NFIA: variants seen among roughly 807,000 people sequenced by gnomAD.
NFIA encodes the protein nuclear factor I A, also known as nuclear factor 1 A-type.
A neutral mutation model predicts 62.8 loss-of-function variants in NFIA; 8 were observed. The observed-to-expected ratio is 0.13, with a 90% CI of 0.07 to 0.23. The LOEUF is 0.23. Among genes scored for constraint, NFIA ranks in the 10% least tolerant of loss-of-function variants. NFIA has a pLI of 1.00. For missense variants in NFIA, 410 were observed against 642.1 expected (o/e 0.64, Z 3.91); for synonymous variants, 235 against 238.1 (o/e 0.99, Z 0.12).
rs555569566 is a variant in NFIA, at chr1:61,175,739, A to G, written c.559+87059A>G. 8.5e-5 allele frequency among the ~76,000 whole-genome samples: 13 copies of G among 152,322 alleles called. No individual in the cohort carries two copies. The South Asian group carries it at 2.7e-3, about 32-fold the overall frequency. ...GTCAGTTATTTCACAGGTAAGCTACATCTTCATGTGGTTGCCTTCTGCAAG... is the reference window on the plus strand; with the variant it reads ...GTCAGTTATTTCACAGGTAAGCTACGTCTTCATGTGGTTGCCTTCTGCAAG... On this transcript the variant is annotated intron_variant, in intron 2 of 10. Coordinates refer to ENST00000403491, the MANE Select transcript of NFIA (RefSeq NM_001134673.4).
chr1:61,132,556 GT>G (rs1647099828), intron 2 of NFIA: 1 of 152,164 alleles, frequency 6.6e-6, no homozygotes, highest in East Asian at 1.9e-4. Flanking sequence ...CAAAGATAGT[GT>G]CTTTTGGCAT....
intron 2 of NFIA, among the ~76,000 whole-genome samples, chr1:61,238,947 G>A (rs1038342442): frequency 4.0e-5 from 6 of 151,794 alleles, no homozygotes; most frequent in Admixed American, 3.9e-4. Context: ...TAGTTGTTGG[G>A]GGAATTTCTT....
At chr1:61,453,327 AAG>A (rs1204382828) in intron 10 of NFIA, among the ~76,000 whole-genome samples, 3 of 152,102 alleles carry the variant, frequency 2.0e-5, no homozygotes, top group African/African-American at 4.8e-5. Flanking sequence ...GGGACTTGAA[AAG>A]AGAACAATAG....
intron 6 of NFIA, among the ~76,000 whole-genome samples, chr1:61,380,478 T>G (rs529488744): frequency 6.6e-6 from 1 of 152,302 alleles, no homozygotes; most frequent in East Asian, 1.9e-4. Context: ...GAGTTTATTT[T>G]TAAAGTAATG....
At chr1:61,453,019 A>G in intron 10 of NFIA, among the ~76,000 whole-genome samples, 1 of 152,222 alleles carries the variant, frequency 6.6e-6, no homozygotes, top group Admixed American at 6.5e-5. Flanking sequence ...AAAAGTGTGC[A>G]GAGTGAAACA....
intron 2 of NFIA, among the ~76,000 whole-genome samples, chr1:61,270,244 C>T (rs758636028): frequency 2.0e-5 from 3 of 152,104 alleles, no homozygotes; most frequent in Non-Finnish European, 4.4e-5. Flanking sequence ...TTATTTGAAC[C>T]ACACAACATC....
chr1:61,102,250 A>G (rs183596948), intron 2 of NFIA, among the ~76,000 whole-genome samples: 10 of 152,348 alleles, frequency 6.6e-5, no homozygotes, highest in African/African-American at 2.4e-4. Context: ...TCTAACAGTC[A>G]GTAAGAGACA....
intron 6 of NFIA, among the ~76,000 whole-genome samples, chr1:61,367,317 G>A (rs971516606): frequency 2.0e-5 from 3 of 152,202 alleles, no homozygotes; most frequent in East Asian, 3.8e-4. Context: ...GGTAACAATA[G>A]TGCTTTGATC....
chr1:61,149,442 T>A (rs1471050120), intron 2 of NFIA, among the ~76,000 whole-genome samples: 1 of 152,216 alleles, frequency 6.6e-6, no homozygotes, highest in African/African-American at 2.4e-5. Context: ...CTTGTTTGAT[T>A]GCTTTAGTGA....
At chr1:61,081,672 C>G, upstream of NFIA, 1 of 516,582 alleles carries the variant, frequency 1.9e-6, no homozygotes, top group Non-Finnish European at 3.5e-6. Context: ...GGATAACGCT[C>G]ATTAATCTCC....
At chr1:61,084,862 C>CT (rs910398402) in intron 1 of NFIA, among the ~76,000 whole-genome samples, 6 of 144,860 alleles carry the variant, frequency 4.1e-5, no homozygotes, top group South Asian at 4.5e-4. Flanking sequence ...TTTTTTTTTT[C>CT]TTTTTTTTTC....
chr1:61,274,515 A>G (rs373724852), intron 2 of NFIA, among the ~76,000 whole-genome samples: 4 of 152,194 alleles, frequency 2.6e-5, no homozygotes, highest in Admixed American at 2.6e-4. Flanking sequence ...ACTCACTGGT[A>G]TGGGAGACTC....
chr1:61,326,947 A>G lies in NFIA; in HGVS notation c.626-5565A>G, dbSNP rs1032926951. Reference sequence around the variant, plus strand: ...AGAGAATAAACAAGAGGCTATATCTAGGTCCCATGCCATGGAAAGGAGTTA... The same window carrying G: ...AGAGAATAAACAAGAGGCTATATCTGGGTCCCATGCCATGGAAAGGAGTTA... On this transcript the variant is annotated intron_variant, in intron 3 of 10. Coordinates refer to ENST00000403491, the MANE Select transcript of NFIA (RefSeq NM_001134673.4). Among the ~76,000 whole-genome samples the G allele has an allele frequency of 2.0e-5, 3 of 152,136 alleles. No individual in the cohort carries two copies. The East Asian group carries it at 5.8e-4, about 29-fold the overall frequency.
Position 61,462,788 on chromosome 1 carries a change from A to G in NFIA, c.*7468A>G, listed in dbSNP as rs560910715. On this transcript the variant is annotated 3_prime_UTR_variant, in exon 11 of 11. Coordinates refer to ENST00000403491, the MANE Select transcript of NFIA (RefSeq NM_001134673.4). ...GGAAAAATAAAAAATTGCTAATGCT[A>G]TGGAAGCTGTGTCATCATTTGCTTT... 2 of 152,360 alleles carry G rather than the reference A, an allele frequency of 1.3e-5. No homozygotes were observed. Among genetic ancestry groups the G allele is most frequent in the Admixed American group, 6.5e-5 (1 of 15,298 alleles). 9.4% of individuals were successfully genotyped at this position (152,360 alleles called of 1,614,324 possible).
At chr1:61,374,812 T>C (rs1261579329) in intron 6 of NFIA, among the ~76,000 whole-genome samples, 2 of 152,222 alleles carry the variant, frequency 1.3e-5, no homozygotes, top group East Asian at 3.8e-4. Context: ...ATATTAACTT[T>C]CATTTATGCT....
intron 6 of NFIA, among the ~76,000 whole-genome samples, chr1:61,371,441 A>G (rs1345143459): frequency 6.6e-6 from 1 of 152,128 alleles, no homozygotes; most frequent in Non-Finnish European, 1.5e-5. Flanking sequence ...ATCAGCATTG[A>G]AACCTTAACA....
chr1:61,401,563 T>C (rs932870757), intron 7 of NFIA, among the ~76,000 whole-genome samples: 1 of 152,194 alleles, frequency 6.6e-6, no homozygotes, highest in African/African-American at 2.4e-5. Context: ...ATTTCTTTTT[T>C]GGGCAGCATT....
intron 2 of NFIA, among the ~76,000 whole-genome samples, chr1:61,214,421 G>T (rs117572069): frequency 1.3e-5 from 2 of 152,258 alleles, no homozygotes; most frequent in East Asian, 3.9e-4. Flanking sequence ...GCAGAGAGTG[G>T]TGCTTGGCTG....
intron 2 of NFIA, among the ~76,000 whole-genome samples, chr1:61,184,597 T>C (rs1356694662): frequency 6.6e-6 from 1 of 152,248 alleles, no homozygotes; most frequent in African/African-American, 2.4e-5. Flanking sequence ...GCTTCTCTGC[T>C]GAGAAACTGG....
Sources: gnomAD v4.1 joint callset for allele counts (sites outside exome capture counted in the v4.1 genomes callset) on GRCh38, gnomAD v4.1.1 for gene constraint, MANE v1.5 for transcripts, NCBI Gene and HGNC (gene_info 2026-07-23, HGNC 2026-07-21) for gene names.